Variants in PDCD2L observed in about 807,000 individuals in gnomAD.
The protein encoded by PDCD2L is programmed cell death 2 like, also known as uS5 assembly chaperone PDCD2L.
A neutral mutation model predicts 40.4 loss-of-function variants in PDCD2L; 44 were observed. The ratio of observed to expected loss-of-function variants is 1.09; its 90% confidence interval spans 0.86 to 1.40. The LOEUF (loss-of-function observed/expected upper bound fraction) is 1.40, where lower values mean the gene tolerates loss of function less well. Among genes scored for constraint, PDCD2L ranks in the 40% most tolerant of loss-of-function variants. The pLI is 0.00. For synonymous variants in PDCD2L, 194 were observed against 174.6 expected, an observed-to-expected ratio of 1.11 and a Z score of -0.88; for missense variants, 470 against 453.7, an observed-to-expected ratio of 1.04 and a Z score of -0.33.
chr19:34,409,433 C>T lies in PDCD2L; in HGVS notation c.609C>T (p.Asn203=), dbSNP rs2075092374. 1.2e-6 allele frequency: 2 copies of T among 1,614,158 alleles called. No individual in the cohort carries two copies. Among genetic ancestry groups the T allele is most frequent in the African/African-American group, 1.3e-5 (1 of 75,030 alleles). The change falls in exon 4 of 7, where the codon AAC becomes AAT. Residue 203 remains asparagine, a synonymous_variant. Transcript: ENST00000246535. ...ADEDDYRDFV[N]LDHAHSLLRD... ...AGGATGATTACAGGGACTTTGTCAA[C>T]CTGGATCATGCCCACAGCCTTCTGA...
chr19:34,417,613 AAAAAAG>A (rs1486707963), intron 5 of PDCD2L, among the ~76,000 whole-genome samples: 1 of 151,174 alleles, frequency 6.6e-6, no homozygotes, highest in Non-Finnish European at 1.5e-5. Context: ...GTCTCAAAAA[AAAAAAG>A]AAAAAAAAAG....
chr19:34,408,904 TATTG>T (rs749927829), intron 3 of PDCD2L, among the ~76,000 whole-genome samples: 12 of 152,176 alleles, frequency 7.9e-5, no homozygotes, highest in Non-Finnish European at 1.8e-4. Context: ...AACAGAAAGA[TATTG>T]GAACGGATGG....
intron 5 of PDCD2L, among the ~76,000 whole-genome samples, chr19:34,414,730 T>C (rs2075119861): frequency 6.6e-6 from 1 of 151,988 alleles, no homozygotes; most frequent in Non-Finnish European, 1.5e-5. Context: ...GTTCAAGCCA[T>C]CCACCTGCCT....
intron 5 of PDCD2L, among the ~76,000 whole-genome samples, chr19:34,414,797 T>G (rs1037050832): frequency 3.3e-5 from 5 of 151,772 alleles, no homozygotes; most frequent in Admixed American, 6.6e-5. Context: ...CCTGGACTAT[T>G]ATTATTATTA....
chr19:34,420,717 A>T (rs1159929875), intron 5 of PDCD2L, among the ~76,000 whole-genome samples: 1 of 151,434 alleles, frequency 6.6e-6, no homozygotes, highest in Non-Finnish European at 1.5e-5. Context: ...GCTTGAGCCC[A>T]GGGGGTCAAG....
chr19:34,417,428 T>A lies in PDCD2L; in HGVS notation c.797+3581T>A, dbSNP rs375802604. On this transcript the variant is annotated intron_variant, in intron 5 of 6. Transcript: ENST00000246535. ...TTCCAGATCAGCCTGGCCAATATGG[T>A]GAAACCCTGTCTCTACTAAAAATAC... is the stretch of plus-strand genomic sequence containing the variant. Among the ~76,000 whole-genome samples, 24 of 151,914 alleles carry A rather than the reference T, an allele frequency of 1.6e-4. No homozygotes were observed. The East Asian group carries it at 4.5e-3, about 28-fold the overall frequency.
chr19:34,404,842 C>T, intron 2 of PDCD2L, 27 bp downstream of exon 2: 1 of 1,604,726 alleles, frequency 6.2e-7, no homozygotes, highest in Non-Finnish European at 8.5e-7. Flanking sequence ...CAGAGCTGCT[C>T]CAGGGGTGTC....
At chr19:34,420,343 C>G (rs1189896696) in intron 5 of PDCD2L, among the ~76,000 whole-genome samples, 1 of 150,520 alleles carries the variant, frequency 6.6e-6, no homozygotes, top group Middle Eastern at 3.4e-3. Context: ...ATATTCATTA[C>G]TGGTATTTTA....
In PDCD2L at chr19:34,404,449, C is replaced by A; in HGVS notation, c.19C>A (p.Pro7Thr). The change falls in exon 1 of 7, where the codon CCG becomes ACG. Residue 7 changes from proline to threonine, a missense_variant. By Grantham distance (38) the Pro-to-Thr change is conservative. Transcript: ENST00000246535. ...GGCGGCCATGGCGGCCGTTCTGAAG[C>A]CGGTGCTGCTGGGCCTTCGAGATGC... is the stretch of plus-strand genomic sequence containing the variant. MAAVLK[P>T]VLLGLRDAPV... is the part of the protein sequence containing the mutation. 1.3e-6 allele frequency: 2 copies of A among 1,544,418 alleles called. No homozygotes were observed. Among genetic ancestry groups the A allele is most frequent in the Non-Finnish European group, 8.7e-7 (1 of 1,145,578 alleles).
In PDCD2L at chr19:34,413,850, A is replaced by G; in HGVS notation, c.797+3A>G. On this transcript the variant is annotated splice_donor_region_variant and intron_variant, in intron 5 of 6. Transcript: ENST00000246535. ...GCTTGTCAGGAGCAGATTTTGAGGT[A>G]AAAAAAGGCACAGTTCCTTTTATTG... 1 of 1,502,402 alleles carries G rather than the reference A, an allele frequency of 6.7e-7. No individual in the cohort carries two copies. The highest frequency in any genetic ancestry group is 1.2e-5 in the South Asian group (1 of 86,152). The allele number at this position is 1,502,402 out of a possible 1,614,324, so 93.1% of individuals were successfully genotyped here.
chr19:34,415,015 C>G (rs1223228607), intron 5 of PDCD2L, among the ~76,000 whole-genome samples: 2 of 152,136 alleles, frequency 1.3e-5, no homozygotes, highest in Non-Finnish European at 2.9e-5. Context: ...CCAGTCTGCT[C>G]TCAAACTCCT....
chr19:34,419,316 A>G (rs536382771), intron 5 of PDCD2L, among the ~76,000 whole-genome samples: 15 of 152,082 alleles, frequency 9.9e-5, no homozygotes, highest in African/African-American at 3.6e-4. Context: ...GCGCACCACC[A>G]TGCCTGGCTA....
intron 6 of PDCD2L, chr19:34,422,011 C>A: frequency 6.2e-6 from 1 of 161,664 alleles, no homozygotes. Context: ...CGCTTGAACC[C>A]AGGAGGTAGA....
intron 6 of PDCD2L, among the ~76,000 whole-genome samples, chr19:34,424,790 G>A (rs1327059776): frequency 1.4e-5 from 2 of 140,894 alleles, no homozygotes; most frequent in East Asian, 4.5e-4. Flanking sequence ...TGTTGCCCAG[G>A]CTGGAGTGCA....
chr19:34,415,350 A>G (rs1169295040), intron 5 of PDCD2L, among the ~76,000 whole-genome samples: 1 of 151,920 alleles, frequency 6.6e-6, no homozygotes, highest in Non-Finnish European at 1.5e-5. Context: ...CTGACTTCAA[A>G]TGATCTGCCC....
At chr19:34,409,085 G>A (rs944934763) in intron 3 of PDCD2L, 76 bp from the exon 4 acceptor site, 9 of 1,383,144 alleles carry the variant, frequency 6.5e-6, no homozygotes, top group Non-Finnish European at 9.1e-6. Context: ...AGGCGCGGCG[G>A]TGGGTGGCTG....
intron 3 of PDCD2L, among the ~76,000 whole-genome samples, chr19:34,408,157 C>A (rs987496136): frequency 6.6e-6 from 1 of 152,136 alleles, no homozygotes; most frequent in Admixed American, 6.6e-5. Context: ...GTCCGCCCAC[C>A]TCAACCTCCC....
At chr19:34,407,138 A>G (rs1275894103) in intron 3 of PDCD2L, among the ~76,000 whole-genome samples, 2 of 136,862 alleles carry the variant, frequency 1.5e-5, no homozygotes, top group Non-Finnish European at 3.1e-5. Flanking sequence ...TGCCCGGCTC[A>G]CTCCAGATTT....
At chr19:34,422,076 G>A (rs1290740329) in intron 6 of PDCD2L, 1 of 147,964 alleles carries the variant, frequency 6.8e-6, no homozygotes, top group Admixed American at 6.7e-5. Flanking sequence ...ACAGAGTGAG[G>A]AGACTCTGTC....
Sources: allele counts gnomAD v4.1 joint callset (sites outside exome capture counted in the v4.1 genomes callset), GRCh38; gene constraint gnomAD v4.1.1; transcripts MANE v1.5; gene names NCBI Gene and HGNC (gene_info 2026-07-23, HGNC 2026-07-21).